The following WDR70 variants were observed in gnomAD, a reference collection of about 807,000 sequenced individuals.
WDR70 encodes WD repeat domain 70.
Under a neutral mutation model 88.6 loss-of-function variants are expected in WDR70, and 53 were observed. The ratio of observed to expected loss-of-function variants is 0.60; its 90% CI spans 0.48 to 0.75. The LOEUF is 0.75. Ranked by LOEUF, WDR70 falls within the 30% of genes least tolerant of loss-of-function variation. The pLI, the probability that WDR70 is intolerant of heterozygous loss-of-function variation, is 0.00. For missense variants in WDR70, 610 were observed against 823.2 expected, an observed-to-expected ratio of 0.74 and a Z score of 3.17; for synonymous variants, 280 against 270.0, an observed-to-expected ratio of 1.04 and a Z score of -0.36.
chr5:37,549,466 A>G (rs907169119), intron 9 of WDR70, among the ~76,000 whole-genome samples: 4 of 152,046 alleles, frequency 2.6e-5, no homozygotes, highest in African/African-American at 9.7e-5. Flanking sequence ...AATGCTACTG[A>G]TTTTTTTATG....
At chr5:37,752,255 T>A (rs1328082271) in intron 17 of WDR70, among the ~76,000 whole-genome samples, 2 of 152,230 alleles carry the variant, frequency 1.3e-5, no homozygotes, top group Non-Finnish European at 2.9e-5. Context: ...ACAGTGTGTA[T>A]GTACAGTCTG....
At chr5:37,659,757 T>G (rs1745654022) in intron 10 of WDR70, among the ~76,000 whole-genome samples, 1 of 151,984 alleles carries the variant, frequency 6.6e-6, no homozygotes. Context: ...TGGAGTGGAG[T>G]AGGGAGGGAC....
intron 3 of WDR70, among the ~76,000 whole-genome samples, chr5:37,386,577 C>T (rs974363522): frequency 3.9e-5 from 6 of 152,166 alleles, no homozygotes; most frequent in Non-Finnish European, 7.3e-5. Flanking sequence ...ATCCGCCTGC[C>T]TCAACCTCCC....
At chr5:37,570,402 A>G (rs1742867594) in intron 9 of WDR70, among the ~76,000 whole-genome samples, 1 of 152,202 alleles carries the variant, frequency 6.6e-6, no homozygotes. Flanking sequence ...GCCAGAAGAT[A>G]GCTAGTTTTT....
intron 8 of WDR70, among the ~76,000 whole-genome samples, chr5:37,502,872 A>G (rs1287642715): frequency 1.3e-5 from 2 of 152,222 alleles, no homozygotes; most frequent in African/African-American, 4.8e-5. Flanking sequence ...AGAACTCACT[A>G]TCACAAAGAC....
At chr5:37,689,174 G>A (rs1443598623) in intron 10 of WDR70, among the ~76,000 whole-genome samples, 1 of 152,246 alleles carries the variant, frequency 6.6e-6, no homozygotes. Flanking sequence ...GGTAAACAAA[G>A]CAGCTAGGAA....
intron 10 of WDR70, among the ~76,000 whole-genome samples, chr5:37,689,865 C>T (rs1024542379): frequency 2.0e-5 from 3 of 152,306 alleles, no homozygotes; most frequent in South Asian, 2.1e-4. Flanking sequence ...ATGACTTTGA[C>T]GAGCTGACAG....
intron 11 of WDR70, among the ~76,000 whole-genome samples, chr5:37,698,062 A>G (rs1379568606): frequency 6.6e-6 from 1 of 152,108 alleles, no homozygotes; most frequent in Non-Finnish European, 1.5e-5. Flanking sequence ...TTTATAGATG[A>G]TCACCTATAT....
chr5:37,423,815 G>C (rs1294033100), intron 5 of WDR70, among the ~76,000 whole-genome samples: 1 of 147,106 alleles, frequency 6.8e-6, no homozygotes, highest in Non-Finnish European at 1.5e-5. Context: ...GCCCGCCTCG[G>C]CCTCCCAAAG....
At chr5:37,522,085 C>T (rs754733911) in intron 9 of WDR70, among the ~76,000 whole-genome samples, 6 of 151,994 alleles carry the variant, frequency 3.9e-5, no homozygotes, top group African/African-American at 7.2e-5. Flanking sequence ...AAGGTGGTAT[C>T]GCATTGTGGT....
rs1028420258 is a variant in WDR70 at position 37,679,470 on chromosome 5, G to A, written c.1093-18185G>A. On this transcript the variant is annotated intron_variant, in intron 10 of 17. Transcript: ENST00000265107. ...TAACAGACAGAACCCTCAGCTGCAG[G>A]TCTGTTGGAGTTTGCTAGAGGTCCA... Among the ~76,000 whole-genome samples the A allele has an allele frequency of 3.3e-5, 5 of 152,170 alleles. 1 individual carries two copies. Among genetic ancestry groups the A allele is most frequent in the Admixed American group, 3.3e-4 (5 of 15,278 alleles).
At chr5:37,651,185 T>C (rs1176802931) in intron 10 of WDR70, among the ~76,000 whole-genome samples, 1 of 151,980 alleles carries the variant, frequency 6.6e-6, no homozygotes, top group Non-Finnish European at 1.5e-5. Context: ...ATTGTTCAGC[T>C]CCCACTTATC....
At position 37,468,070 on chromosome 5, in the gene WDR70, C is replaced by T. The variant is rs573715718; in HGVS notation, c.687-11764C>T. Among the ~76,000 whole-genome samples, 8 of 152,092 alleles carry T rather than the reference C, an allele frequency of 5.3e-5. No individual in the cohort carries two copies. In the South Asian group the frequency reaches 6.2e-4, roughly 12 times the overall value. ...TTTACCATGTTAACCAGGATGGTGTCGATCTCCTGACCTTGTGATTCACCC... is the reference window on the plus strand; with the variant it reads ...TTTACCATGTTAACCAGGATGGTGTTGATCTCCTGACCTTGTGATTCACCC... On this transcript the variant is annotated intron_variant, in intron 7 of 17. Coordinates refer to ENST00000265107, the MANE Select transcript of WDR70 (RefSeq NM_018034.4).
chr5:37,397,258 G>C (rs1473915150), intron 5 of WDR70, among the ~76,000 whole-genome samples: 1 of 151,734 alleles, frequency 6.6e-6, no homozygotes, highest in Non-Finnish European at 1.5e-5. Context: ...AATAAATGGA[G>C]GGCAGAAAGC....
intron 10 of WDR70, among the ~76,000 whole-genome samples, chr5:37,692,326 C>G (rs1746822237): frequency 6.6e-6 from 1 of 152,118 alleles, no homozygotes; most frequent in African/African-American, 2.4e-5. Flanking sequence ...GGAACTATTA[C>G]AATCAATGGA....
intron 5 of WDR70, among the ~76,000 whole-genome samples, chr5:37,422,458 A>AT (rs905653926): frequency 1.3e-5 from 2 of 151,346 alleles, no homozygotes; most frequent in Non-Finnish European, 2.9e-5. Flanking sequence ...TGCCTGGCTA[A>AT]TTTTTTTGTT....
intron 10 of WDR70, among the ~76,000 whole-genome samples, chr5:37,672,731 A>G (rs1746066132): frequency 6.6e-6 from 1 of 152,138 alleles, no homozygotes; most frequent in Admixed American, 6.5e-5. Context: ...GGAAACTCAG[A>G]GACCAGTGCC....
At chr5:37,449,598 AAAAAAT>A (rs1391898806) in intron 7 of WDR70, among the ~76,000 whole-genome samples, 36 of 34,998 alleles carry the variant, frequency 1.0e-3, no homozygotes, top group Middle Eastern at 0.043. Context: ...CTCAAAAAAA[AAAAAAT>A]AAAAAATAAA....
intron 9 of WDR70, among the ~76,000 whole-genome samples, chr5:37,572,016 A>G (rs1381579366): frequency 6.6e-6 from 1 of 152,180 alleles, no homozygotes; most frequent in Non-Finnish European, 1.5e-5. Context: ...TCTAATTCCC[A>G]TGAAGGCCAG....
Sources: allele counts gnomAD v4.1 joint callset (sites outside exome capture counted in the v4.1 genomes callset), GRCh38; gene constraint gnomAD v4.1.1; transcripts MANE v1.5; gene names NCBI Gene and HGNC (gene_info 2026-07-23, HGNC 2026-07-21).